PGR: variants seen among roughly 807,000 people sequenced by gnomAD.
The protein encoded by PGR is nuclear receptor subfamily 3 group C member 3.
A neutral mutation model predicts 76.1 loss-of-function variants in PGR; 25 were observed. The ratio of observed to expected loss-of-function variants is 0.33; its 90% confidence interval spans 0.24 to 0.46. The LOEUF is 0.46. PGR is among the 20% of genes least tolerant of loss of function. The probability of loss-of-function intolerance (pLI) is 1.00; values close to 1 mark genes in which losing one functional copy is unlikely to be tolerated. For synonymous variants in PGR, 579 were observed against 535.0 expected (o/e 1.08, Z -1.14); for missense variants, 1,172 against 1,225.3 (o/e 0.96, Z 0.65).
chr11:101,056,289 G>T (rs926267610), intron 4 of PGR, among the ~76,000 whole-genome samples: 2 of 151,474 alleles, frequency 1.3e-5, no homozygotes, highest in African/African-American at 4.8e-5. Flanking sequence ...TCTGACAAAA[G>T]CCCTGTTACA....
chr11:101,066,923 T>A (rs1860739500), intron 3 of PGR, among the ~76,000 whole-genome samples: 1 of 152,236 alleles, frequency 6.6e-6, no homozygotes, highest in Admixed American at 6.5e-5. Flanking sequence ...GCTTTCACTT[T>A]TTGTAGACTA....
chr11:101,082,864 G>T (rs1861356567), intron 3 of PGR, among the ~76,000 whole-genome samples: 1 of 152,200 alleles, frequency 6.6e-6, no homozygotes, highest in Non-Finnish European at 1.5e-5. Flanking sequence ...GTAGAAAAGA[G>T]AGAGACAAAA....
intron 4 of PGR, among the ~76,000 whole-genome samples, chr11:101,054,252 T>G (rs918421793): frequency 3.9e-5 from 6 of 152,180 alleles, no homozygotes; most frequent in African/African-American, 1.4e-4. Flanking sequence ...GTTTTATAAT[T>G]AACATAGTTT....
intron 4 of PGR, among the ~76,000 whole-genome samples, chr11:101,059,524 T>A (rs1860406910): frequency 6.6e-6 from 1 of 152,110 alleles, no homozygotes; most frequent in Admixed American, 6.5e-5. Context: ...GGCTAGAGCA[T>A]CTTGCAAGTC....
intron 3 of PGR, among the ~76,000 whole-genome samples, chr11:101,079,305 A>G (rs545346758): frequency 2.7e-4 from 41 of 152,288 alleles, no homozygotes; most frequent in Admixed American, 1.5e-3. Context: ...AAGCTTCCGC[A>G]CAGCAAAGGA....
At position 101,128,938 on chromosome 11, in the gene PGR, A is replaced by G. The variant is rs1205650928; in HGVS notation, c.133T>C (p.Leu45=). ...PFPGSQTSDT[L]PEVSAIPISL... is the part of the protein sequence containing the mutation. ...ATAGGTATGGCCGAAACTTCAGGCA[A>G]GGTGTCCGAGGTCTGGCTCCCCGGG... The change falls in exon 1 of 8, where the codon TTG becomes CTG. Residue 45 remains leucine (L), a synonymous_variant. Coordinates refer to ENST00000325455, the MANE Select transcript of PGR (RefSeq NM_000926.4). 9.3e-6 allele frequency: 15 copies of G among 1,610,978 alleles called. No homozygotes were observed. The highest frequency in any genetic ancestry group is 1.3e-5 in the Non-Finnish European group (15 of 1,177,982).
chr11:101,088,999 A>T (rs1377149003), intron 3 of PGR, among the ~76,000 whole-genome samples: 2 of 152,202 alleles, frequency 1.3e-5, no homozygotes, highest in African/African-American at 2.4e-5. Flanking sequence ...TCATGAGCAT[A>T]ACAATGGAAA....
At chr11:101,093,003 T>C (rs1402580338) in intron 2 of PGR, among the ~76,000 whole-genome samples, 1 of 152,156 alleles carries the variant, frequency 6.6e-6, no homozygotes. Flanking sequence ...GGGAAAGGAT[T>C]AGCCTAAACG....
rs1861578922 is a variant in PGR, at chr11:101,088,743, T to A, written c.1906+3017A>T. Among the ~76,000 whole-genome samples, 3 of 152,210 alleles carry A rather than the reference T, an allele frequency of 2.0e-5. No individual in the cohort carries two copies. The South Asian group carries it at 6.2e-4, about 32-fold the overall frequency. The stretch of plus-strand genomic sequence containing the variant: ...AAAGACACATGCACTCACATGTTCA[T>A]CACAGCACTACTCACAAAAGCAAAG... On this transcript the variant is annotated intron_variant, in intron 3 of 7. Coordinates refer to ENST00000325455, the MANE Select transcript of PGR (RefSeq NM_000926.4).
chr11:101,111,474 C>T (rs1418862282), intron 2 of PGR, among the ~76,000 whole-genome samples: 1 of 152,100 alleles, frequency 6.6e-6, no homozygotes, highest in African/African-American at 2.4e-5. Context: ...TTAATGTTCT[C>T]AAAAACAAAG....
Position 101,097,633 on chromosome 11 carries a change from GTAAA to G in PGR, c.1790-5761_1790-5758del, listed in dbSNP as rs556674049. Among the ~76,000 whole-genome samples, 659 of 152,164 alleles carry G rather than the reference GTAAA, an allele frequency of 4.3e-3. 8 individuals carry two copies. Among genetic ancestry groups the G allele is most frequent in the African/African-American group, 0.015 (634 of 41,502 alleles). Reference sequence around the variant, plus strand: ...CATATGTCACTTATTGTCATATATAGTAAATAGTCACTTGCTTCTGATTTTTTAC... The same window carrying G: ...CATATGTCACTTATTGTCATATATAGTAGTCACTTGCTTCTGATTTTTTAC... On this transcript the variant is annotated intron_variant, in intron 2 of 7. Transcript: ENST00000325455.
intron 2 of PGR, among the ~76,000 whole-genome samples, chr11:101,092,989 G>A (rs193156815): frequency 3.3e-4 from 50 of 152,250 alleles, no homozygotes; most frequent in Non-Finnish European, 6.5e-4. Context: ...ACTTAATCAA[G>A]CAGGGGAAAG....
chr11:101,070,998 G>A (rs780255842), intron 3 of PGR, among the ~76,000 whole-genome samples: 2 of 152,164 alleles, frequency 1.3e-5, no homozygotes, highest in Non-Finnish European at 2.9e-5. Context: ...CTCCTCAAGT[G>A]GGTCCCTGAC....
rs1049326439 is a variant in PGR, at chr11:101,030,328, T to C, written c.*8788A>G. The C allele has an allele frequency of 1.3e-5, 3 of 225,184 alleles. No homozygotes were observed. Among genetic ancestry groups the C allele is most frequent in the Non-Finnish European group, 8.8e-6 (1 of 113,154 alleles). The allele number at this position is 225,184 out of a possible 1,614,324, so 13.9% of individuals were successfully genotyped here. A position where few individuals can be genotyped will look rare whatever the true frequency, so the allele number is the denominator to read the frequency against. Reference sequence around the variant, plus strand: ...TACCATGTGCAAAACAGTCAAAGTATGTTAGGGGAAATTTAAAACATTACA... The same window carrying C: ...TACCATGTGCAAAACAGTCAAAGTACGTTAGGGGAAATTTAAAACATTACA... On this transcript the variant is annotated 3_prime_UTR_variant, in exon 8 of 8. Transcript: ENST00000325455.
chr11:101,111,722 C>A (rs923829747), intron 2 of PGR, among the ~76,000 whole-genome samples: 1 of 152,116 alleles, frequency 6.6e-6, no homozygotes, highest in Non-Finnish European at 1.5e-5. Context: ...CTAAGTAGAT[C>A]AGGAGCCAAC....
intron 2 of PGR, among the ~76,000 whole-genome samples, chr11:101,111,841 G>T (rs1456765): frequency 0.19 from 28,298 of 152,064 alleles, 3,217 homozygotes; most frequent in African/African-American, 0.32. Flanking sequence ...TCCACAGTTT[G>T]GAGACTGGAT....
intron 6 of PGR, among the ~76,000 whole-genome samples, chr11:101,046,342 C>A (rs1237696): frequency 2.2e-5 from 2 of 90,778 alleles, no homozygotes; most frequent in African/African-American, 4.2e-5. Context: ...TTTTTAGAGA[C>A]GGGGTTTTCC....
At position 101,050,017 on chromosome 11, in the gene PGR, G is replaced by T. The variant is rs368655406; in HGVS notation, c.2400C>A (p.Thr800=). Residue 800 remains threonine (T), a synonymous_variant, in exon 6 of 8, where the codon ACC becomes ACA. Coordinates refer to ENST00000325455, the MANE Select transcript of PGR (RefSeq NM_000926.4). ...CAAACTCCTGTGGGATCTGCCACAT[G>T]GTAAGGCATAATGAATAGAATGATG... ...KESSFYSLCL[T]MWQIPQEFVK... 18 of 1,612,240 alleles carry T rather than the reference G, an allele frequency of 1.1e-5. No homozygotes were observed. Among genetic ancestry groups the T allele is most frequent in the Non-Finnish European group, 1.4e-5 (17 of 1,178,920 alleles).
At chr11:101,039,341 C>A (rs1033725656) in intron 7 of PGR, 70 bp from the exon 8 acceptor site, 3 of 1,163,630 alleles carry the variant, frequency 2.6e-6, no homozygotes, top group African/African-American at 3.1e-5. Flanking sequence ...TCAAACATGG[C>A]AATTTATTTT....
Sources: gnomAD v4.1 joint callset for allele counts (sites outside exome capture counted in the v4.1 genomes callset) on GRCh38, gnomAD v4.1.1 for gene constraint, MANE v1.5 for transcripts, NCBI Gene and HGNC (gene_info 2026-07-23, HGNC 2026-07-21) for gene names.